Variants in CCNY observed in about 807,000 individuals in gnomAD.
The protein encoded by CCNY is cyclin Y.
A neutral mutation model predicts 42.8 loss-of-function variants in CCNY; 19 were observed. The observed-to-expected ratio is 0.44, with a 90% CI of 0.31 to 0.65. The LOEUF (loss-of-function observed/expected upper bound fraction) is 0.65, where lower values mean the gene tolerates loss of function less well. CCNY is among the 30% of genes least tolerant of loss of function. CCNY has a pLI of 0.07. For missense variants in CCNY, 370 were observed against 437.3 expected, an observed-to-expected ratio of 0.85 and a Z score of 1.37; for synonymous variants, 165 against 162.7, an observed-to-expected ratio of 1.01 and a Z score of -0.11.
chr10:35,407,123 C>T (rs1481588704), intron 1 of CCNY, among the ~76,000 whole-genome samples: 1 of 152,096 alleles, frequency 6.6e-6, no homozygotes, highest in African/African-American at 2.4e-5. Flanking sequence ...AAAAAAGGAG[C>T]ATTAACCTTG....
intron 1 of CCNY, among the ~76,000 whole-genome samples, chr10:35,411,251 G>C (rs1173217336): frequency 6.6e-6 from 1 of 151,994 alleles, no homozygotes; most frequent in East Asian, 1.9e-4. Context: ...GGTGGCTCAC[G>C]CATGTAATCC....
At chr10:35,298,261 T>C (rs1835494422) in intron 3 of CCNY, among the ~76,000 whole-genome samples, 1 of 152,182 alleles carries the variant, frequency 6.6e-6, no homozygotes, top group South Asian at 2.1e-4. Flanking sequence ...ATATTCAAGA[T>C]ATAGAACATT....
At chr10:35,452,512 G>A (rs892310989) in intron 1 of CCNY, among the ~76,000 whole-genome samples, 1 of 152,140 alleles carries the variant, frequency 6.6e-6, no homozygotes, top group African/African-American at 2.4e-5. Context: ...GGTAAATAGA[G>A]TTAACCTTTA....
At chr10:35,470,230 CAG>C (rs1407920414) in intron 1 of CCNY, among the ~76,000 whole-genome samples, 1 of 150,434 alleles carries the variant, frequency 6.6e-6, no homozygotes, top group Non-Finnish European at 1.5e-5. Context: ...GAGAGACAGA[CAG>C]GGAGATGGAG....
chr10:35,462,972 C>A (rs1384523817), intron 1 of CCNY, among the ~76,000 whole-genome samples: 2 of 152,234 alleles, frequency 1.3e-5, no homozygotes, highest in African/African-American at 4.8e-5. Flanking sequence ...GTTGCAGCGG[C>A]ACTTTTGGAA....
intron 4 of CCNY, among the ~76,000 whole-genome samples, chr10:35,524,595 T>C (rs1172581303): frequency 6.6e-6 from 1 of 152,228 alleles, no homozygotes; most frequent in Non-Finnish European, 1.5e-5. Context: ...TGCAGCCAGT[T>C]ACCTATGTTC....
chr10:35,279,432 C>T (rs947244429), intron 3 of CCNY, among the ~76,000 whole-genome samples: 4 of 152,144 alleles, frequency 2.6e-5, no homozygotes, highest in Non-Finnish European at 4.4e-5. Context: ...AATCATCTAA[C>T]GCCATACCTT....
chr10:35,514,101 A>C (rs573040255), intron 3 of CCNY, among the ~76,000 whole-genome samples: 1 of 147,022 alleles, frequency 6.8e-6, no homozygotes, highest in Non-Finnish European at 1.5e-5. Flanking sequence ...AAAAAAACAG[A>C]GACAACCCTG....
intron 1 of CCNY, among the ~76,000 whole-genome samples, chr10:35,396,426 G>A (rs1308321756): frequency 6.6e-6 from 1 of 152,220 alleles, no homozygotes; most frequent in Admixed American, 6.5e-5. Flanking sequence ...GTGGGGGGCA[G>A]CCAGCCTGAG....
intron 1 of CCNY, among the ~76,000 whole-genome samples, chr10:35,346,920 G>T (rs1836318035): frequency 6.6e-6 from 1 of 152,180 alleles, no homozygotes; most frequent in Admixed American, 6.5e-5. Context: ...AGCCACCATG[G>T]GTTGCCCCAT....
chr10:35,276,408 C>T (rs1015097307), intron 3 of CCNY, among the ~76,000 whole-genome samples: 1 of 152,146 alleles, frequency 6.6e-6, no homozygotes, highest in African/African-American at 2.4e-5. Flanking sequence ...TTTTTAGAGA[C>T]ATGGTTTTGC....
At chr10:35,546,840 C>T (rs1220846884) in intron 7 of CCNY, among the ~76,000 whole-genome samples, 1 of 152,124 alleles carries the variant, frequency 6.6e-6, no homozygotes, top group East Asian at 1.9e-4. Context: ...AGTTAAAAGT[C>T]AGAAGAAAAC....
intron 4 of CCNY, among the ~76,000 whole-genome samples, chr10:35,525,168 TA>T (rs1046665902): frequency 4.6e-5 from 7 of 152,000 alleles, no homozygotes; most frequent in Non-Finnish European, 1.0e-4. Context: ...TTTTTAATGA[TA>T]AAAAAAAGTT....
intron 3 of CCNY, among the ~76,000 whole-genome samples, chr10:35,274,653 G>A (rs762908528): frequency 5.3e-5 from 8 of 152,144 alleles, no homozygotes; most frequent in African/African-American, 9.7e-5. Context: ...CAGATGGCCC[G>A]GGTCCCTTTC....
At chr10:35,460,554 T>C (rs886160376) in intron 1 of CCNY, among the ~76,000 whole-genome samples, 1 of 152,234 alleles carries the variant, frequency 6.6e-6, no homozygotes, top group Non-Finnish European at 1.5e-5. Flanking sequence ...GCACATAACA[T>C]TCATTCAGTA....
intron 3 of CCNY, among the ~76,000 whole-genome samples, chr10:35,504,250 G>A (rs1318831194): frequency 6.6e-6 from 1 of 152,194 alleles, no homozygotes; most frequent in Non-Finnish European, 1.5e-5. Context: ...AACTGCAGGG[G>A]AAATAACCTC....
chr10:35,389,887 G>C (rs1334472257), intron 1 of CCNY, among the ~76,000 whole-genome samples: 1 of 151,790 alleles, frequency 6.6e-6, no homozygotes, highest in Non-Finnish European at 1.5e-5. Flanking sequence ...TCTCATAAAG[G>C]CATCGTCTGA....
chr10:35,525,445 T>C (rs1840633425), intron 4 of CCNY, among the ~76,000 whole-genome samples: 1 of 152,220 alleles, frequency 6.6e-6, no homozygotes, highest in Middle Eastern at 3.2e-3. Flanking sequence ...AAGGTAGTGC[T>C]ACAAATAAAA....
chr10:35,480,980 A>C (rs1839654977), intron 1 of CCNY, among the ~76,000 whole-genome samples: 1 of 152,164 alleles, frequency 6.6e-6, no homozygotes, highest in South Asian at 2.1e-4. Context: ...ACAAAAAAAC[A>C]AACCAATGAA....
Sources: allele counts gnomAD v4.1 joint callset (sites outside exome capture counted in the v4.1 genomes callset), GRCh38; gene constraint gnomAD v4.1.1; transcripts MANE v1.5; gene names NCBI Gene and HGNC (gene_info 2026-07-23, HGNC 2026-07-21).